LARP1B: variants seen among roughly 807,000 people sequenced by gnomAD.
LARP1B encodes la-related protein 1B.
A neutral mutation model predicts 114.2 loss-of-function variants in LARP1B; 76 were observed. That is an observed-to-expected ratio of 0.67 (90% CI 0.55 to 0.81). LARP1B has a LOEUF of 0.81. LARP1B is among the 30% of genes least tolerant of loss of function. The probability of loss-of-function intolerance (pLI) is 0.00; values close to 1 mark genes in which losing one functional copy is unlikely to be tolerated. For missense variants in LARP1B, 1,014 were observed against 1,075.8 expected (o/e 0.94, Z 0.80); for synonymous variants, 345 against 348.0 (o/e 0.99, Z 0.10).
chr4:128,108,954 C>A, intron 9 of LARP1B: 1 of 429,006 alleles, frequency 2.3e-6, no homozygotes, highest in Non-Finnish European at 3.1e-6. Context: ...CATGCACATA[C>A]ATATTGTCTG....
intron 11 of LARP1B, among the ~76,000 whole-genome samples, chr4:128,159,437 C>T (rs1458837598): frequency 6.6e-6 from 1 of 152,110 alleles, no homozygotes; most frequent in Non-Finnish European, 1.5e-5. Flanking sequence ...TTCTTCATCT[C>T]TATAATTTTG....
At chr4:128,153,881 A>G (rs930827580) in intron 11 of LARP1B, among the ~76,000 whole-genome samples, 1 of 152,118 alleles carries the variant, frequency 6.6e-6, no homozygotes, top group Non-Finnish European at 1.5e-5. Context: ...CCCCAAACCT[A>G]TATTTTTTAT....
intron 10 of LARP1B, among the ~76,000 whole-genome samples, chr4:128,115,634 G>C (rs1481689258): frequency 6.6e-6 from 1 of 152,144 alleles, no homozygotes; most frequent in African/African-American, 2.4e-5. Context: ...TAATATTTCA[G>C]TTTTTTATGA....
chr4:128,071,100 G>A (rs989859391), intron 1 of LARP1B, among the ~76,000 whole-genome samples: 1 of 151,928 alleles, frequency 6.6e-6, no homozygotes, highest in Non-Finnish European at 1.5e-5. Context: ...AGGCTGGAGT[G>A]CAGTGGCGTG....
intron 9 of LARP1B, among the ~76,000 whole-genome samples, chr4:128,112,330 G>C (rs149194089): frequency 6.6e-6 from 1 of 151,512 alleles, no homozygotes; most frequent in South Asian, 2.1e-4. Context: ...AAAATTAATG[G>C]CACTATTTTT....
intron 8 of LARP1B, among the ~76,000 whole-genome samples, chr4:128,098,747 G>GTGTGTGTGTATATATATATATA: frequency 2.6e-4 from 4 of 15,584 alleles, no homozygotes; most frequent in Admixed American, 9.8e-4. Flanking sequence ...ATATGTATGT[G>GTGTGTGTGTATATATATATATA]TATATATATA....
intron 17 of LARP1B, among the ~76,000 whole-genome samples, chr4:128,206,222 G>A (rs1757551723): frequency 6.6e-6 from 1 of 152,154 alleles, no homozygotes; most frequent in South Asian, 2.1e-4. Flanking sequence ...AACCAGGGAG[G>A]CGGAGGTTGC....
intron 19 of LARP1B, among the ~76,000 whole-genome samples, chr4:128,208,603 G>C (rs953781543): frequency 6.6e-6 from 1 of 152,136 alleles, no homozygotes; most frequent in Admixed American, 6.6e-5. Flanking sequence ...AAGAATTCAG[G>C]CCTCCTTCTT....
At chr4:128,138,950 A>C (rs539948602) in intron 11 of LARP1B, among the ~76,000 whole-genome samples, 1 of 151,254 alleles carries the variant, frequency 6.6e-6, no homozygotes, top group South Asian at 2.1e-4. Context: ...TGAGACTCTC[A>C]AAAAATAATA....
intron 15 of LARP1B, 138 bp from the exon 16 acceptor site, chr4:128,199,301 T>A (rs1256781140): frequency 8.0e-6 from 4 of 498,980 alleles, no homozygotes; most frequent in Non-Finnish European, 6.8e-6. Context: ...CTGTATGTCA[T>A]TAATTTAGGA....
At chr4:128,092,889 C>A in intron 7 of LARP1B, 1 of 985,356 alleles carries the variant, frequency 1.0e-6, no homozygotes, top group East Asian at 1.1e-4. Context: ...CTGCCAAGTC[C>A]CTTCTGAGAC....
chr4:128,065,346 T>TTTTCTTTTCTTTTCTTTTCTTTTCTTTTC (rs1762373774), intron 1 of LARP1B, among the ~76,000 whole-genome samples: 1 of 133,978 alleles, frequency 7.5e-6, no homozygotes, highest in Non-Finnish European at 1.6e-5. Context: ...CTTTCTTTTC[T>TTTTCTTTTCTTTTCTTTTCTTTTCTTTTC]TTTCTTTTCT....
At chr4:128,167,041 TATATACACACACACACAC>T (rs1262389861) in intron 12 of LARP1B, among the ~76,000 whole-genome samples, 11 of 150,440 alleles carry the variant, frequency 7.3e-5, no homozygotes, top group East Asian at 1.9e-4. Context: ...TGTGTACGTA[TATATACACACACACACAC>T]ATATACACAC....
intron 12 of LARP1B, among the ~76,000 whole-genome samples, chr4:128,166,970 C>CTCTATATATA (rs1189451874): frequency 9.0e-5 from 7 of 77,806 alleles, no homozygotes; most frequent in African/African-American, 3.7e-4. Flanking sequence ...CTCTCTCTCT[C>CTCTATATATA]TATATATATA....
intron 12 of LARP1B, among the ~76,000 whole-genome samples, chr4:128,172,404 A>G (rs1053351944): frequency 2.6e-5 from 4 of 152,186 alleles, no homozygotes; most frequent in Non-Finnish European, 5.9e-5. Context: ...TAATTAAAAA[A>G]TTAATAGGCT....
intron 7 of LARP1B, among the ~76,000 whole-genome samples, chr4:128,095,547 A>C (rs1288589361): frequency 6.6e-6 from 1 of 151,538 alleles, no homozygotes; most frequent in African/African-American, 2.4e-5. Flanking sequence ...GTGAGATGTC[A>C]GTAGTATTTC....
intron 6 of LARP1B, among the ~76,000 whole-genome samples, chr4:128,219,880 A>G (rs976405039): frequency 6.6e-6 from 1 of 151,944 alleles, no homozygotes; most frequent in Admixed American, 6.6e-5. Flanking sequence ...TTTGAAATAC[A>G]TTTTATTTTA....
intron 7 of LARP1B, among the ~76,000 whole-genome samples, chr4:128,095,459 A>G (rs1777553886): frequency 7.1e-6 from 1 of 141,736 alleles, no homozygotes; most frequent in Non-Finnish European, 1.5e-5. Context: ...ATCCCACTCC[A>G]GCCTGGGCAA....
chr4:128,141,327 A>G (rs911870288), intron 11 of LARP1B, among the ~76,000 whole-genome samples: 2 of 152,132 alleles, frequency 1.3e-5, no homozygotes, highest in South Asian at 2.1e-4. Flanking sequence ...CTGGTCCACT[A>G]TCTCATGATA....
Sources: gnomAD v4.1 joint callset for allele counts (sites outside exome capture counted in the v4.1 genomes callset) on GRCh38, gnomAD v4.1.1 for gene constraint, MANE v1.5 for transcripts, NCBI Gene and HGNC (gene_info 2026-07-23, HGNC 2026-07-21) for gene names.